ATE1: variants seen among roughly 807,000 people sequenced by gnomAD.
The protein encoded by ATE1 is arginyltransferase 1, also known as arginyl-tRNA--protein transferase 1.
ATE1 carries 36 observed loss-of-function variants against 70.5 expected under a neutral mutation model. The ratio of observed to expected loss-of-function variants is 0.51; its 90% CI spans 0.39 to 0.67. The LOEUF is 0.67. Among genes scored for constraint, ATE1 ranks in the 30% least tolerant of loss-of-function variants. The pLI is 0.00. For synonymous variants in ATE1, 232 were observed against 219.3 expected (o/e 1.06, Z -0.51); for missense variants, 593 against 629.5 (o/e 0.94, Z 0.62).
rs965247522 is a variant in ATE1 at position 121,742,930 on chromosome 10, C to G, written c.*750G>C. ...ATTTTTCTTTAAAAAAATTCAATTTCTTACATTTTTAGAAGTAAAGCAAAT... is the reference window on the plus strand; with the variant it reads ...ATTTTTCTTTAAAAAAATTCAATTTGTTACATTTTTAGAAGTAAAGCAAAT... On this transcript the variant is annotated 3_prime_UTR_variant, in exon 12 of 12. Coordinates refer to ENST00000224652, the MANE Select transcript of ATE1 (RefSeq NM_001001976.3). 1 of 152,124 alleles carries G rather than the reference C, an allele frequency of 6.6e-6. No homozygotes were observed. Among genetic ancestry groups the G allele is most frequent in the Non-Finnish European group, 1.5e-5 (1 of 68,020 alleles). The allele number at this position is 152,124 out of a possible 1,614,324, so 9.4% of individuals were successfully genotyped here. A position where few individuals can be genotyped will look rare whatever the true frequency, so the allele number is the denominator to read the frequency against.
intron 7 of ATE1, among the ~76,000 whole-genome samples, chr10:121,871,285 C>G (rs1487842290): frequency 2.6e-5 from 4 of 151,988 alleles, no homozygotes; most frequent in Non-Finnish European, 5.9e-5. Context: ...ATGGTGAAAC[C>G]CCGTCTCTAA....
intron 8 of ATE1, among the ~76,000 whole-genome samples, chr10:121,849,211 CA>C (rs35330521): frequency 0.8 from 113,084 of 140,788 alleles, 46,452 homozygotes; most frequent in Middle Eastern, 0.93. Flanking sequence ...AACTCCATCT[CA>C]AAAAAAAAAA....
chr10:121,864,563 CAG>C (rs1343813293), intron 8 of ATE1, among the ~76,000 whole-genome samples: 5 of 152,192 alleles, frequency 3.3e-5, no homozygotes, highest in African/African-American at 9.7e-5. Context: ...TACCATGAAG[CAG>C]AGTTTTCACT....
intron 10 of ATE1, among the ~76,000 whole-genome samples, chr10:121,796,102 G>A (rs4752596): frequency 0.94 from 143,649 of 152,160 alleles, 68,041 homozygotes; most frequent in Non-Finnish European, 0.98. Context: ...TTCTCTCACA[G>A]TTTTTTGGAG....
intron 8 of ATE1, chr10:121,846,821 T>C (rs1385501627): frequency 6.6e-6 from 1 of 152,234 alleles, no homozygotes; most frequent in Non-Finnish European, 1.5e-5. Context: ...GTTTTAGTAT[T>C]CACTGTCATA....
At chr10:121,811,203 CTGG>C (rs1420312956) in intron 10 of ATE1, among the ~76,000 whole-genome samples, 1 of 152,020 alleles carries the variant, frequency 6.6e-6, no homozygotes, top group Non-Finnish European at 1.5e-5. Context: ...TAAAGGACCA[CTGG>C]TTCAAAAAAT....
intron 10 of ATE1, among the ~76,000 whole-genome samples, chr10:121,836,069 A>G (rs1476458164): frequency 2.0e-5 from 3 of 152,074 alleles, no homozygotes; most frequent in Non-Finnish European, 4.4e-5. Context: ...CAAATACATC[A>G]TCAGCACTTG....
chr10:121,777,895 A>G (rs1324719980), intron 11 of ATE1, among the ~76,000 whole-genome samples: 7 of 152,376 alleles, frequency 4.6e-5, no homozygotes, highest in Non-Finnish European at 1.0e-4. Flanking sequence ...AAATGTTTAA[A>G]GAAATTTAAT....
At chr10:121,919,898 G>C (rs985450810) in intron 3 of ATE1, among the ~76,000 whole-genome samples, 1 of 152,024 alleles carries the variant, frequency 6.6e-6, no homozygotes, top group South Asian at 2.1e-4. Flanking sequence ...ACTCAGTCTC[G>C]GTGGGGAGGA....
chr10:121,774,902 T>G (rs1357453550), intron 11 of ATE1, among the ~76,000 whole-genome samples: 3 of 152,204 alleles, frequency 2.0e-5, no homozygotes, highest in African/African-American at 7.2e-5. Flanking sequence ...CACACTCAAA[T>G]GCATCTTTGA....
intron 1 of ATE1, among the ~76,000 whole-genome samples, chr10:121,925,903 AT>A (rs762008514): frequency 1.4e-5 from 2 of 141,662 alleles, no homozygotes; most frequent in South Asian, 2.3e-4. Flanking sequence ...AAAAAAAAAA[AT>A]TAAAGTTAAA....
chr10:121,927,481 A>G, intron 1 of ATE1: 2 of 984,680 alleles, frequency 2.0e-6, no homozygotes, highest in Non-Finnish European at 2.4e-6. Flanking sequence ...CGCTCCCGGG[A>G]CGCTCCCACC....
At chr10:121,928,391 T>TA (rs2134692591), upstream of ATE1, 2 of 1,531,858 alleles carry the variant, frequency 1.3e-6, no homozygotes, top group South Asian at 2.4e-5. Context: ...GCCGCAGTGG[T>TA]AGCCGGCCCT....
chr10:121,928,328 C>T (rs759194499), upstream of ATE1: 3 of 1,515,854 alleles, frequency 2.0e-6, no homozygotes, highest in Admixed American at 2.1e-5. Flanking sequence ...GCGCCAACTC[C>T]GGCGTCGGGA....
intron 7 of ATE1, among the ~76,000 whole-genome samples, chr10:121,871,522 G>A (rs1564913991): frequency 6.6e-6 from 1 of 152,094 alleles, no homozygotes; most frequent in South Asian, 2.1e-4. Flanking sequence ...GAGGACAAGA[G>A]ATTAGGGTTC....
chr10:121,741,891 A>AT lies in ATE1; in HGVS notation c.*1788dup, dbSNP rs1275851381. ...TCTGAGTATGGTAGGGTTGTAGATGATTTTTACTTTTTATTTATACTTCTT... is the reference window on the plus strand; with the variant it reads ...TCTGAGTATGGTAGGGTTGTAGATGATTTTTTACTTTTTATTTATACTTCTT... On this transcript the variant is annotated 3_prime_UTR_variant, in exon 12 of 12. Transcript: ENST00000224652. 3 of 152,158 alleles carry AT rather than the reference A, an allele frequency of 2.0e-5. No individual in the cohort carries two copies. Among genetic ancestry groups the AT allele is most frequent in the Non-Finnish European group, 2.9e-5 (2 of 68,024 alleles). 9.4% of individuals were successfully genotyped at this position (152,158 alleles called of 1,614,324 possible).
At chr10:121,877,661 AG>A (rs1950097360) in intron 7 of ATE1, among the ~76,000 whole-genome samples, 1 of 104,122 alleles carries the variant, frequency 9.6e-6, no homozygotes, top group South Asian at 2.9e-4. Context: ...ATACGTAAAA[AG>A]CTCCCTATTT....
chr10:121,783,478 C>T (rs982913584), intron 11 of ATE1, among the ~76,000 whole-genome samples: 1 of 151,958 alleles, frequency 6.6e-6, no homozygotes, highest in Non-Finnish European at 1.5e-5. Context: ...ACTTCGACAG[C>T]TCAAAAACCC....
In ATE1 at chr10:121,924,306, C is replaced by G; in HGVS notation, c.130G>C (p.Val44Leu). The G allele has an allele frequency of 1.9e-6, 3 of 1,614,044 alleles. No homozygotes were observed. ...TCTATGAGATCCTGATAATCCTGTA[C>G]TGTCATGGAATGTGCCCACATGCCT... ...SNGMWAHSMT[V>L]QDYQDLIDRG... The change falls in exon 2 of 12, where the codon GTA (valine) becomes CTA (leucine). Residue 44 changes from valine to leucine, a missense_variant. By Grantham distance (32) the Val-to-Leu change is conservative. Around this residue, in one of 3 missense-constraint regions of ATE1, gnomAD observed 467 missense variants for 469.6 expected, o/e 0.99. Transcript: ENST00000224652.
Sources: gnomAD v4.1 joint callset for allele counts (sites outside exome capture counted in the v4.1 genomes callset) on GRCh38, gnomAD v4.1.1 for gene constraint, gnomAD v4.1.1 regional missense constraint, MANE v1.5 for transcripts, NCBI Gene and HGNC (gene_info 2026-07-23, HGNC 2026-07-21) for gene names.